Variants in AMMECR1 observed in about 807,000 individuals in gnomAD.
AMMECR1 encodes AMMECR nuclear protein 1.
A neutral mutation model predicts 22.5 loss-of-function variants in AMMECR1; 3 were observed. The ratio of observed to expected loss-of-function variants is 0.13; its 90% CI spans 0.06 to 0.35. The LOEUF is 0.35. AMMECR1 is among the 10% of genes least tolerant of loss of function. AMMECR1 has a pLI of 1.00. For missense variants in AMMECR1, 235 were observed against 278.7 expected (o/e 0.84, Z 1.12); for synonymous variants, 130 against 116.7 (o/e 1.11, Z -0.74).
chrX:110,379,222 C>A (rs2068401439), intron 2 of AMMECR1, among the ~76,000 whole-genome samples: 1 of 112,221 alleles, frequency 8.9e-6, no homozygotes, highest in Non-Finnish European at 1.9e-5. Context: ...CAAGGAGAGT[C>A]TTTACTTGGC....
chrX:110,304,241 A>C (rs1000433269), intron 1 of AMMECR1, among the ~76,000 whole-genome samples: 4 of 112,054 alleles, frequency 3.6e-5, no homozygotes, highest in African/African-American at 1.3e-4. Context: ...TGTTTAAATT[A>C]ATTTCATAAA....
Position 110,213,812 on chromosome X carries a change from A to G in AMMECR1, c.699+2706T>C, listed in dbSNP as rs1247368697. Among the ~76,000 whole-genome samples, 4 of 111,533 alleles carry G rather than the reference A, an allele frequency of 3.6e-5. No homozygotes were observed. The East Asian group carries it at 1.1e-3, about 31-fold the overall frequency. On this transcript the variant is annotated intron_variant, in intron 3 of 5. Coordinates refer to ENST00000262844, the MANE Select transcript of AMMECR1 (RefSeq NM_015365.3). ...ACCAAATCACATTCTTGTACTTAAA[A>G]ATATAATTTCCACCCTTATTCGTTG...
intron 2 of AMMECR1, among the ~76,000 whole-genome samples, chrX:110,358,290 G>C (rs973533854): frequency 9.0e-6 from 1 of 111,326 alleles, no homozygotes; most frequent in African/African-American, 3.3e-5. Context: ...CACCTTTTTA[G>C]TTTGGAAGGG....
At chrX:110,404,977 T>C (rs188392571) in intron 2 of AMMECR1, among the ~76,000 whole-genome samples, 2 of 110,988 alleles carry the variant, frequency 1.8e-5, no homozygotes, top group East Asian at 5.6e-4. Context: ...TTTCTCCTAA[T>C]AGCCTAAAGT....
chrX:110,199,613 T>C (rs904716571), intron 5 of AMMECR1, among the ~76,000 whole-genome samples: 3 of 111,434 alleles, frequency 2.7e-5, no homozygotes, highest in African/African-American at 9.8e-5. Flanking sequence ...GTCCCTTTTA[T>C]CTAGATTAAC....
intron 2 of AMMECR1, among the ~76,000 whole-genome samples, chrX:110,364,730 C>T (rs1267445324): frequency 9.0e-6 from 1 of 111,462 alleles, no homozygotes; most frequent in Non-Finnish European, 1.9e-5. Flanking sequence ...CATCCCACAG[C>T]CTGCCAGCCA....
intron 2 of AMMECR1, among the ~76,000 whole-genome samples, chrX:110,329,346 A>G (rs967198041): frequency 8.9e-6 from 1 of 112,431 alleles, no homozygotes; most frequent in Non-Finnish European, 1.9e-5. Flanking sequence ...TTAATCAGGC[A>G]GATGACTTTG....
chrX:110,427,701 A>T (rs1301866043), intron 1 of AMMECR1, among the ~76,000 whole-genome samples: 1 of 112,293 alleles, frequency 8.9e-6, no homozygotes, highest in East Asian at 2.8e-4. Flanking sequence ...GCTCTATAGG[A>T]TGAAGTCCAA....
chrX:110,252,874 G>A (rs895794128), intron 2 of AMMECR1, among the ~76,000 whole-genome samples: 8 of 112,213 alleles, frequency 7.1e-5, no homozygotes, highest in East Asian at 2.8e-4. Flanking sequence ...TAAGTGCTAC[G>A]GAGAAAAATG....
At chrX:110,413,104 C>T (rs1009432386) in intron 2 of AMMECR1, among the ~76,000 whole-genome samples, 2 of 111,569 alleles carry the variant, frequency 1.8e-5, no homozygotes, top group Non-Finnish European at 1.9e-5. Flanking sequence ...CATCCTCATA[C>T]TGCTCAGTGC....
intron 1 of AMMECR1, among the ~76,000 whole-genome samples, chrX:110,435,506 C>T (rs898040171): frequency 1.8e-5 from 2 of 111,967 alleles, no homozygotes; most frequent in African/African-American, 6.5e-5. Flanking sequence ...TAGCAGGTCC[C>T]AGAACAAAAT....
intron 2 of AMMECR1, among the ~76,000 whole-genome samples, chrX:110,360,142 C>A (rs1172543438): frequency 8.1e-5 from 9 of 111,209 alleles, no homozygotes. Flanking sequence ...TAGCCTCAGA[C>A]ACTTGTAATA....
At chrX:110,275,870 T>G (rs1311110608) in intron 1 of AMMECR1, among the ~76,000 whole-genome samples, 1 of 111,688 alleles carries the variant, frequency 9.0e-6, no homozygotes, top group Non-Finnish European at 1.9e-5. Flanking sequence ...AAATTATAAT[T>G]GCTTTAGTGT....
intron 2 of AMMECR1, among the ~76,000 whole-genome samples, chrX:110,239,342 GAGA>G (rs1418184370): frequency 9.0e-6 from 1 of 110,690 alleles, no homozygotes; most frequent in African/African-American, 3.3e-5. Context: ...AACCAGTTTA[GAGA>G]AGAACATAAA....
intron 1 of AMMECR1, among the ~76,000 whole-genome samples, chrX:110,430,623 G>A (rs190655171): frequency 4.8e-4 from 54 of 111,851 alleles, no homozygotes; most frequent in African/African-American, 1.5e-3. Flanking sequence ...AACTATGAGA[G>A]CCATATAGTC....
intron 2 of AMMECR1, among the ~76,000 whole-genome samples, chrX:110,343,420 T>G (rs2068173566): frequency 9.0e-6 from 1 of 111,526 alleles, no homozygotes; most frequent in East Asian, 2.8e-4. Flanking sequence ...GCATTCCCTT[T>G]GAAAACTGGC....
intron 2 of AMMECR1, among the ~76,000 whole-genome samples, chrX:110,404,619 C>T (rs909447090): frequency 1.8e-5 from 2 of 111,759 alleles, no homozygotes; most frequent in Admixed American, 9.5e-5. Context: ...TTGATAATTA[C>T]GGTACCTCAG....
At chrX:110,259,142 T>C (rs1602836226) in intron 2 of AMMECR1, among the ~76,000 whole-genome samples, 1 of 111,424 alleles carries the variant, frequency 9.0e-6, no homozygotes, top group East Asian at 2.8e-4. Context: ...TGAATATTTG[T>C]ACCATGCAAG....
chrX:110,255,193 A>G (rs1306947601), intron 2 of AMMECR1, among the ~76,000 whole-genome samples: 4 of 112,361 alleles, frequency 3.6e-5, no homozygotes, highest in Admixed American at 9.5e-5. Flanking sequence ...TTAATGTAGC[A>G]CGTTTCATAT....
Sources: allele counts gnomAD v4.1 joint callset (sites outside exome capture counted in the v4.1 genomes callset), GRCh38; gene constraint gnomAD v4.1.1; transcripts MANE v1.5; gene names NCBI Gene and HGNC (gene_info 2026-07-23, HGNC 2026-07-21).